Variants in SHISA9 observed in about 807,000 individuals in gnomAD.
The protein encoded by SHISA9 is shisa family member 9.
A neutral mutation model predicts 38.0 loss-of-function variants in SHISA9; 13 were observed. The ratio of observed to expected loss-of-function variants is 0.34; its 90% CI spans 0.22 to 0.54. The LOEUF (loss-of-function observed/expected upper bound fraction) is 0.54, where lower values mean the gene tolerates loss of function less well. SHISA9 is among the 20% of genes least tolerant of loss of function. The probability of loss-of-function intolerance (pLI) is 0.91; values close to 1 mark genes in which losing one functional copy is unlikely to be tolerated. For synonymous variants in SHISA9, 275 were observed against 242.0 expected, an observed-to-expected ratio of 1.14 and a Z score of -1.27; for missense variants, 538 against 575.8, an observed-to-expected ratio of 0.93 and a Z score of 0.67.
the SHISA9 span, among the ~76,000 whole-genome samples, chr16:13,528,424 TAAG>T: frequency 6.7e-6 from 1 of 149,990 alleles, no homozygotes; most frequent in Non-Finnish European, 1.5e-5. Flanking sequence ...AAAAAAAAAA[TAAG>T]AAAAAAAGTC....
chr16:13,019,896 T>TTTCC (rs2072819624), intron 2 of SHISA9, among the ~76,000 whole-genome samples: 4 of 29,130 alleles, frequency 1.4e-4, no homozygotes, highest in South Asian at 2.9e-3. Context: ...TCTTTCTTTC[T>TTTCC]TTCTTTCTTT....
intron 2 of SHISA9, among the ~76,000 whole-genome samples, chr16:13,066,667 G>A (rs943713155): frequency 6.6e-6 from 1 of 152,198 alleles, no homozygotes; most frequent in East Asian, 1.9e-4. Flanking sequence ...GGTGTTTTGA[G>A]AATTAAACGT....
intron 2 of SHISA9, among the ~76,000 whole-genome samples, chr16:12,976,996 T>G (rs1274315729): frequency 6.6e-6 from 1 of 151,996 alleles, no homozygotes; most frequent in Non-Finnish European, 1.5e-5. Flanking sequence ...TTGAGAGACA[T>G]GAAAAAAGAG....
chr16:13,034,161 AAT>A (rs1403789006), intron 2 of SHISA9, among the ~76,000 whole-genome samples: 42 of 139,028 alleles, frequency 3.0e-4, no homozygotes, highest in African/African-American at 7.6e-4. Context: ...AAAAAAAAAA[AAT>A]ACCTCCATCT....
At chr16:13,018,365 G>T (rs544732719) in intron 2 of SHISA9, among the ~76,000 whole-genome samples, 56 of 152,310 alleles carry the variant, frequency 3.7e-4, no homozygotes, top group African/African-American at 1.3e-3. Context: ...TGTCGCAATG[G>T]CCAGTGAAGA....
chr16:13,557,795 C>T, the SHISA9 span, among the ~76,000 whole-genome samples: 1 of 152,090 alleles, frequency 6.6e-6, no homozygotes, highest in Admixed American at 6.6e-5. Context: ...ATTCAAGATT[C>T]GCCATCTCAT....
At chr16:13,242,822 C>T (rs1007927915), downstream of SHISA9, among the ~76,000 whole-genome samples, 1 of 152,154 alleles carries the variant, frequency 6.6e-6, no homozygotes, top group Non-Finnish European at 1.5e-5. Context: ...AAGGTTTGCT[C>T]CTGGATGACT....
the SHISA9 span, among the ~76,000 whole-genome samples, chr16:13,378,572 T>C: frequency 7.2e-5 from 11 of 152,198 alleles, no homozygotes; most frequent in Admixed American, 1.3e-4. Flanking sequence ...CTGAATCATA[T>C]AGAGAAATCG....
In SHISA9 at chr16:13,238,369, G is replaced by C. The variant is rs1286998661; in HGVS notation, c.*2960G>C. ...CCCACACTTCAGAAAACCCTGGGTT[G>C]ACTTATCTGTGAGGCTCTTTCCAGC... On this transcript the variant is annotated 3_prime_UTR_variant, in exon 5 of 5. Transcript: ENST00000558583. 6.6e-6 allele frequency: 1 copy of C among 152,158 alleles called. No homozygotes were observed. The highest frequency in any genetic ancestry group is 1.5e-5 in the Non-Finnish European group (1 of 68,028). The allele number at this position is 152,158 out of a possible 1,614,324, so 9.4% of individuals were successfully genotyped here. A position where few individuals can be genotyped will look rare whatever the true frequency, so the allele number is the denominator to read the frequency against.
Position 12,902,029 on chromosome 16 carries a change from GGCGGCCGA to G in SHISA9, c.-25_-18del, listed in dbSNP as rs1006060657. On this transcript the variant is annotated 5_prime_UTR_variant, in exon 1 of 5. Transcript: ENST00000558583. The stretch of plus-strand genomic sequence containing the variant: ...GAGAGGCGGCCGCAGAGGCTCCAGC[GGCGGCCGA>G]GCGGCCGAGCCCGGGCTGGGAGACA... The G allele has an allele frequency of 6.3e-6, 9 of 1,422,342 alleles. No homozygotes were observed. The highest frequency in any genetic ancestry group is 8.2e-6 in the Non-Finnish European group (9 of 1,094,222). 88.1% of individuals were successfully genotyped at this position (1,422,342 alleles called of 1,614,324 possible). A position where few individuals can be genotyped will look rare whatever the true frequency, so the allele number is the denominator to read the frequency against.
intron 4 of SHISA9, among the ~76,000 whole-genome samples, chr16:13,216,843 C>T (rs1037610742): frequency 2.6e-5 from 4 of 152,142 alleles, no homozygotes; most frequent in Non-Finnish European, 4.4e-5. Flanking sequence ...CTAGTTGGTA[C>T]GATTTATTTT....
the SHISA9 span, among the ~76,000 whole-genome samples, chr16:13,304,943 C>G: frequency 6.6e-6 from 1 of 152,230 alleles, no homozygotes; most frequent in Non-Finnish European, 1.5e-5. Flanking sequence ...ATTACTGGAT[C>G]TGTTCTGACA....
chr16:13,015,230 A>G (rs926271252), intron 2 of SHISA9, among the ~76,000 whole-genome samples: 1 of 152,248 alleles, frequency 6.6e-6, no homozygotes, highest in East Asian at 1.9e-4. Flanking sequence ...TTGTGCTGCA[A>G]TGACATGGTT....
chr16:13,191,523 T>C lies in SHISA9; in HGVS notation c.692-11871T>C, dbSNP rs541899349. On this transcript the variant is annotated intron_variant, in intron 2 of 4. Coordinates refer to ENST00000558583, the MANE Select transcript of SHISA9 (RefSeq NM_001145204.3). ...GCTAAGCATGATGATCATAATGTATTTGAACCTCACAGTGACCCCATGAGG... is the reference window on the plus strand; with the variant it reads ...GCTAAGCATGATGATCATAATGTATCTGAACCTCACAGTGACCCCATGAGG... Among the ~76,000 whole-genome samples the C allele has an allele frequency of 2.5e-3, 379 of 152,362 alleles. 6 individuals carry two copies. Among genetic ancestry groups the C allele is most frequent in the Non-Finnish European group, 3.0e-3 (203 of 68,040 alleles).
At chr16:13,541,323 T>G in the SHISA9 span, among the ~76,000 whole-genome samples, 1 of 152,152 alleles carries the variant, frequency 6.6e-6, no homozygotes, top group African/African-American at 2.4e-5. Flanking sequence ...AGCTGGAGAA[T>G]GGGAACCCAG....
chr16:13,228,685 C>G (rs1032098406), intron 4 of SHISA9, among the ~76,000 whole-genome samples: 1 of 152,014 alleles, frequency 6.6e-6, no homozygotes, highest in African/African-American at 2.4e-5. Flanking sequence ...TATGTTCTCA[C>G]TGTATTTTGC....
chr16:13,172,631 G>A (rs1418085884), intron 2 of SHISA9, among the ~76,000 whole-genome samples: 3 of 151,968 alleles, frequency 2.0e-5, no homozygotes, highest in Non-Finnish European at 2.9e-5. Flanking sequence ...AAGAAGAGCC[G>A]TCGTTGAGTC....
the SHISA9 span, among the ~76,000 whole-genome samples, chr16:13,433,452 T>G: frequency 3.3e-5 from 5 of 152,254 alleles, no homozygotes; most frequent in African/African-American, 1.2e-4. Context: ...TATCTCTATG[T>G]GCATGAGATA....
In SHISA9 at chr16:12,902,080, C is replaced by T. The variant is rs910280104; in HGVS notation, c.16C>T (p.Arg6Trp). 1 of 1,490,672 alleles carries T rather than the reference C, an allele frequency of 6.7e-7. No individual in the cohort carries two copies. Among genetic ancestry groups the T allele is most frequent in the Non-Finnish European group, 8.9e-7 (1 of 1,128,936 alleles). 92.3% of individuals were successfully genotyped at this position (1,490,672 alleles called of 1,614,324 possible). Residue 6 changes from arginine (R) to tryptophan (W), a missense_variant, in exon 1 of 5, where the codon CGG (arginine) becomes TGG (tryptophan). This residue lies in a region of SHISA9 where 107 missense variants were observed against 103.0 expected (regional missense o/e 1.04). Transcript: ENST00000558583. MRRVL[R>W]LLLGCFLTEL... ...GGGAGACACCATGCGCCGCGTCCTT[C>T]GGCTGCTCCTCGGTTGCTTCCTCAC...
Sources: gnomAD v4.1 joint callset for allele counts (sites outside exome capture counted in the v4.1 genomes callset) on GRCh38, gnomAD v4.1.1 for gene constraint, gnomAD v4.1.1 regional missense constraint, MANE v1.5 for transcripts, NCBI Gene and HGNC (gene_info 2026-07-23, HGNC 2026-07-21) for gene names.